FRMD5: variants seen among roughly 807,000 people sequenced by gnomAD.
FRMD5 encodes FERM domain-containing protein 5.
In FRMD5, 20 loss-of-function variants were observed where a neutral mutation model predicts 69.0. The ratio of observed to expected loss-of-function variants is 0.29; its 90% confidence interval spans 0.20 to 0.42. The LOEUF is 0.42. FRMD5 is among the 10% of genes least tolerant of loss of function. The pLI is 1.00. For missense variants in FRMD5, 595 were observed against 708.6 expected (o/e 0.84, Z 1.82); for synonymous variants, 271 against 260.1 (o/e 1.04, Z -0.40).
At chr15:44,168,878 A>C (rs930504278) in intron 1 of FRMD5, among the ~76,000 whole-genome samples, 4 of 152,284 alleles carry the variant, frequency 2.6e-5, no homozygotes, top group Admixed American at 2.6e-4. Flanking sequence ...TTTCATCCTA[A>C]CACCCACCTG....
chr15:44,003,992 T>C (rs2140183749), intron 1 of FRMD5, among the ~76,000 whole-genome samples: 1 of 152,340 alleles, frequency 6.6e-6, no homozygotes, highest in Non-Finnish European at 1.5e-5. Flanking sequence ...TGATGTTAAA[T>C]GAATAAATTA....
chr15:43,886,202 C>CT (rs2140360236), intron 10 of FRMD5, among the ~76,000 whole-genome samples: 2 of 152,242 alleles, frequency 1.3e-5, no homozygotes, highest in South Asian at 4.1e-4. Context: ...TAGGGGTCTC[C>CT]TTTCCAGTCC....
At chr15:43,964,528 G>T (rs1449250093) in intron 1 of FRMD5, among the ~76,000 whole-genome samples, 2 of 149,738 alleles carry the variant, frequency 1.3e-5, no homozygotes, top group East Asian at 3.9e-4. Flanking sequence ...AAAAGAAAAA[G>T]AAAAATGAGT....
intron 1 of FRMD5, among the ~76,000 whole-genome samples, chr15:44,017,612 TTC>T (rs1485211533): frequency 4.1e-5 from 6 of 147,254 alleles, no homozygotes; most frequent in African/African-American, 1.5e-4. Context: ...CCCCAAATAT[TTC>T]TTTTTTTTTT....
chr15:44,096,403 C>CTT (rs751057566), intron 1 of FRMD5, among the ~76,000 whole-genome samples: 91 of 130,780 alleles, frequency 7.0e-4, no homozygotes, highest in Middle Eastern at 3.9e-3. Context: ...TACGGTGTAT[C>CTT]TTTTTTTTTT....
intron 1 of FRMD5, among the ~76,000 whole-genome samples, chr15:44,109,686 G>A (rs1054133189): frequency 1.6e-4 from 24 of 151,742 alleles, no homozygotes; most frequent in African/African-American, 5.8e-4. Flanking sequence ...GTTCACATTA[G>A]GGTTCACTCT....
rs554236876 is a variant in FRMD5 at position 43,883,671 on chromosome 15, C to T, written c.1135+32G>A. The stretch of plus-strand genomic sequence containing the variant: ...GGTCCCAGATCACAACTTGGAGGAC[C>T]CCAGTGGTCACCTCAAGAAGCTCAT... On this transcript the variant is annotated intron_variant, in intron 13 of 13. Coordinates refer to ENST00000417257, the MANE Select transcript of FRMD5 (RefSeq NM_032892.5). 2.5e-4 allele frequency: 377 copies of T among 1,496,444 alleles called. 8 individuals are homozygous for T. In the South Asian group the frequency reaches 3.9e-3, roughly 16 times the overall value. The allele number at this position is 1,496,444 out of a possible 1,614,324, so 92.7% of individuals were successfully genotyped here.
intron 1 of FRMD5, among the ~76,000 whole-genome samples, chr15:44,063,193 G>A (rs1595684394): frequency 6.6e-6 from 1 of 152,072 alleles, no homozygotes; most frequent in East Asian, 1.9e-4. Flanking sequence ...AATCTATCTA[G>A]GAATACAGTT....
chr15:43,983,886 GA>G (rs2090585025), intron 1 of FRMD5, among the ~76,000 whole-genome samples: 1 of 152,174 alleles, frequency 6.6e-6, no homozygotes, highest in African/African-American at 2.4e-5. Flanking sequence ...AAGTGCTAGA[GA>G]AAATGTAAGG....
intron 1 of FRMD5, among the ~76,000 whole-genome samples, chr15:44,174,370 A>G (rs987859793): frequency 2.0e-5 from 3 of 152,330 alleles, no homozygotes; most frequent in Non-Finnish European, 4.4e-5. Context: ...AATGTTCATC[A>G]AAACTGATAA....
chr15:44,145,102 C>T (rs2077337024), intron 1 of FRMD5, among the ~76,000 whole-genome samples: 1 of 152,164 alleles, frequency 6.6e-6, no homozygotes, highest in Non-Finnish European at 1.5e-5. Context: ...TAAACTACAG[C>T]AGCCTATTTC....
At chr15:43,993,188 GTTT>G (rs935331877) in intron 1 of FRMD5, among the ~76,000 whole-genome samples, 1 of 151,910 alleles carries the variant, frequency 6.6e-6, no homozygotes, top group Non-Finnish European at 1.5e-5. Flanking sequence ...TAACATAATA[GTTT>G]TTTTGTTTTG....
At chr15:44,138,401 C>T (rs76727778) in intron 1 of FRMD5, among the ~76,000 whole-genome samples, 3,777 of 152,042 alleles carry the variant, frequency 0.025, 150 homozygotes, top group African/African-American at 0.079. Context: ...CATCAAAGTG[C>T]CATAAAGAAA....
At chr15:43,974,233 T>A (rs190768544) in intron 1 of FRMD5, among the ~76,000 whole-genome samples, 1 of 152,100 alleles carries the variant, frequency 6.6e-6, no homozygotes, top group Admixed American at 6.6e-5. Context: ...AGGTGACTCC[T>A]TAAGGGTGAA....
At chr15:43,900,510 G>C (rs2089018955) in intron 7 of FRMD5, among the ~76,000 whole-genome samples, 1 of 152,072 alleles carries the variant, frequency 6.6e-6, no homozygotes. Context: ...CTGAATATCA[G>C]GATGTTCTCA....
chr15:44,179,316 T>C (rs2077955887), intron 1 of FRMD5, among the ~76,000 whole-genome samples: 1 of 152,206 alleles, frequency 6.6e-6, no homozygotes, highest in Non-Finnish European at 1.5e-5. Flanking sequence ...CCCTTTGCCT[T>C]CCAAATAGTT....
chr15:43,978,794 C>T (rs1210693401), intron 1 of FRMD5, among the ~76,000 whole-genome samples: 1 of 152,078 alleles, frequency 6.6e-6, no homozygotes, highest in African/African-American at 2.4e-5. Flanking sequence ...TCAGGTGATC[C>T]ACCCACCTCG....
chr15:44,071,425 TAAACAAAACA>T (rs140305798), intron 1 of FRMD5, among the ~76,000 whole-genome samples: 2,676 of 151,184 alleles, frequency 0.018, 76 homozygotes, highest in African/African-American at 0.056. Context: ...AGACCCTGTC[TAAACAAAACA>T]AAACAAAACA....
At chr15:44,003,103 T>C (rs956859592) in intron 1 of FRMD5, among the ~76,000 whole-genome samples, 14 of 152,178 alleles carry the variant, frequency 9.2e-5, no homozygotes, top group African/African-American at 2.9e-4. Context: ...GTTGCTCAGA[T>C]AAAAAACCCT....
Sources: allele counts gnomAD v4.1 joint callset (sites outside exome capture counted in the v4.1 genomes callset), GRCh38; gene constraint gnomAD v4.1.1; transcripts MANE v1.5; gene names NCBI Gene and HGNC (gene_info 2026-07-23, HGNC 2026-07-21).